Variants in KIF13A observed in about 807,000 individuals in gnomAD.
KIF13A encodes the protein kinesin-like protein KIF13A.
In KIF13A, 79 loss-of-function variants were observed where a neutral mutation model predicts 212.2. That is an observed-to-expected ratio of 0.37 (90% confidence interval 0.31 to 0.45). The LOEUF (loss-of-function observed/expected upper bound fraction) is 0.45. KIF13A is among the 20% of genes least tolerant of loss of function. KIF13A has a pLI of 1.00. For synonymous variants in KIF13A, 789 were observed against 808.6 expected, an observed-to-expected ratio of 0.98 and a Z score of 0.41; for missense variants, 1,901 against 2,209.0, an observed-to-expected ratio of 0.86 and a Z score of 2.79.
At chr6:17,857,707 G>A (rs1013551070) in intron 4 of KIF13A, among the ~76,000 whole-genome samples, 5 of 152,126 alleles carry the variant, frequency 3.3e-5, no homozygotes, top group African/African-American at 1.2e-4. Context: ...CATATGGTGG[G>A]AGAATAAACG....
intron 20 of KIF13A, 98 bp from the exon 21 acceptor site, chr6:17,800,211 G>A: frequency 8.8e-7 from 1 of 1,133,992 alleles, no homozygotes; most frequent in Non-Finnish European, 1.2e-6. Context: ...CTGGAGAGGG[G>A]CTCTGCAGCT....
rs2150407465 is a variant in KIF13A at position 17,856,516 on chromosome 6, T to TAGGTGC, written c.221-395_221-394insGCACCT. ...TGAACAAGACCATGTTATACACACC[T>TAGGTGC]TGGTATCTCCCTCAGCACCTAGCTT... On this transcript the variant is annotated intron_variant, in intron 4 of 38. Coordinates refer to ENST00000259711, the MANE Select transcript of KIF13A (RefSeq NM_022113.6). The surrounding 1 kb of genome is among the most constrained non-coding windows in gnomAD (Gnocchi z 4.5). 6.6e-6 allele frequency among the ~76,000 whole-genome samples: 1 copy of TAGGTGC among 152,334 alleles called. No individual in the cohort carries two copies. The highest frequency in any genetic ancestry group is 2.4e-5 in the African/African-American group (1 of 41,584).
intron 2 of KIF13A, among the ~76,000 whole-genome samples, chr6:17,904,140 G>C: frequency 6.6e-6 from 1 of 151,894 alleles, no homozygotes; most frequent in Non-Finnish European, 1.5e-5. Context: ...TTGGGTGACA[G>C]AGTGAGACTC....
Position 17,849,478 on chromosome 6 carries a change from C to G in KIF13A, c.729G>C (p.Glu243Asp). The G allele has an allele frequency of 6.2e-7, 1 of 1,613,128 alleles. No homozygotes were observed. The highest frequency in any genetic ancestry group is 8.5e-7 in the Non-Finnish European group (1 of 1,179,406). Reference protein sequence around the residue: ...LYDLQSGNSGEKVSKVSLVDL... With the variant: ...LYDLQSGNSGDKVSKVSLVDL... Reference sequence around the variant, plus strand: ...CTACCAAGCTGACCTTACTGACTTTCTCCCCGGAATTCTAGTTATAGGAAA... The same window carrying G: ...CTACCAAGCTGACCTTACTGACTTTGTCCCCGGAATTCTAGTTATAGGAAA... The change falls in exon 9 of 39, where the codon GAG becomes GAC. Residue 243 changes from glutamate (E) to aspartate (D), a missense_variant. Glu to Asp is a conservative substitution (Grantham distance 45). This residue lies in a region of KIF13A where 506 missense variants were observed against 637.4 expected (regional missense o/e 0.79). Transcript: ENST00000259711. This position sits in a 1 kb window ranked among gnomAD's most constrained non-coding sequence, Gnocchi z 5.7.
At position 17,934,895 on chromosome 6, in the gene KIF13A, CAT is replaced by C. The variant is rs1776325700; in HGVS notation, c.147-36717_147-36716del. Among the ~76,000 whole-genome samples, 3 of 152,112 alleles carry C rather than the reference CAT, an allele frequency of 2.0e-5. No homozygotes were observed. Among genetic ancestry groups the C allele is most frequent in the Admixed American group, 2.0e-4 (3 of 15,290 alleles). On this transcript the variant is annotated intron_variant, in intron 2 of 38. Transcript: ENST00000259711. This position sits in a 1 kb window ranked among gnomAD's most constrained non-coding sequence, Gnocchi z 5.4. ...TCAATTTTCACTAGTAATAACCAAA[CAT>C]ATCAGTTTCACAAGGGTCCCTTTAC...
rs1452996348 is a variant in KIF13A at position 17,951,081 on chromosome 6, TATTA to T, written c.146+35969_146+35972del. 5.6e-5 allele frequency: 61 copies of T among 1,098,034 alleles called. No homozygotes were observed. Among genetic ancestry groups the T allele is most frequent in the Non-Finnish European group, 1.5e-5 (14 of 904,812 alleles). The allele number at this position is 1,098,034 out of a possible 1,614,324, so 68.0% of individuals were successfully genotyped here. On this transcript the variant is annotated intron_variant, in intron 2 of 38. Transcript: ENST00000259711. The surrounding 1 kb of genome is among the most constrained non-coding windows in gnomAD (Gnocchi z 4.9). ...CTAAGGACACCTAAGGAATTGTACT[TATTA>T]TATATAACACTTTGCCAACCATCCA... is the stretch of plus-strand genomic sequence containing the variant.
At chr6:17,940,837 T>A (rs1288093148) in intron 2 of KIF13A, among the ~76,000 whole-genome samples, 2 of 151,428 alleles carry the variant, frequency 1.3e-5, no homozygotes, top group African/African-American at 4.9e-5. Context: ...TTTTTTTTTT[T>A]TTTTTTGAGA....
At chr6:17,822,022 G>T in intron 16 of KIF13A, 1 of 1,095,984 alleles carries the variant, frequency 9.1e-7, no homozygotes, top group Non-Finnish European at 1.3e-6. Flanking sequence ...GTAAAGGATG[G>T]GGTAGGGGGA....
chr6:17,859,343 C>T (rs1445324239), intron 4 of KIF13A, among the ~76,000 whole-genome samples: 3 of 151,748 alleles, frequency 2.0e-5, no homozygotes, highest in Non-Finnish European at 4.4e-5. Context: ...TGGCTCACAC[C>T]TGTAATCTCA....
At chr6:17,938,897 A>T (rs774488076) in intron 2 of KIF13A, among the ~76,000 whole-genome samples, 1 of 150,152 alleles carries the variant, frequency 6.7e-6, no homozygotes, top group Non-Finnish European at 1.5e-5. Context: ...TTATGTATTC[A>T]TTCTACAAAA....
rs1428766916 is a variant in KIF13A, at chr6:17,987,485, G to A, written c.-22C>T. 8.0e-7 allele frequency: 1 copy of A among 1,253,834 alleles called. No individual in the cohort carries two copies. 77.7% of individuals were successfully genotyped at this position (1,253,834 alleles called of 1,614,324 possible). A position where few individuals can be genotyped will look rare whatever the true frequency, so the allele number is the denominator to read the frequency against. ...ACATGTTGGCTGCGCTCGCCCGGCCGCTCGCCGCGCCCGCTCGGCCTTAGG... is the reference window on the plus strand; with the variant it reads ...ACATGTTGGCTGCGCTCGCCCGGCCACTCGCCGCGCCCGCTCGGCCTTAGG... On this transcript the variant is annotated 5_prime_UTR_variant, in exon 1 of 39. Transcript: ENST00000259711. This position sits in a 1 kb window ranked among gnomAD's most constrained non-coding sequence, Gnocchi z 7.7.
intron 2 of KIF13A, among the ~76,000 whole-genome samples, chr6:17,975,164 T>G (rs1200416452): frequency 6.6e-6 from 1 of 152,040 alleles, no homozygotes; most frequent in African/African-American, 2.4e-5. Flanking sequence ...GCCAACATAG[T>G]GAAACCCTAT....
In KIF13A at chr6:17,914,425, T is replaced by A. The variant is rs7773400; in HGVS notation, c.147-16245A>T. Among the ~76,000 whole-genome samples the A allele has an allele frequency of 0.061, 9,291 of 152,250 alleles. 971 individuals carry two copies. The highest frequency in any genetic ancestry group is 0.21 in the African/African-American group (8,795 of 41,506). ...TAAAATACAAAACTTGAGATGAATATGAGTACATCCACAATAACTATTAAT... is the reference window on the plus strand; with the variant it reads ...TAAAATACAAAACTTGAGATGAATAAGAGTACATCCACAATAACTATTAAT... On this transcript the variant is annotated intron_variant, in intron 2 of 38. Transcript: ENST00000259711. This position sits in a 1 kb window ranked among gnomAD's most constrained non-coding sequence, Gnocchi z 5.9.
chr6:17,928,021 T>C (rs116047729), intron 2 of KIF13A, among the ~76,000 whole-genome samples: 2,041 of 152,342 alleles, frequency 0.013, 48 homozygotes, highest in African/African-American at 0.047. Flanking sequence ...CTTTCTGTCC[T>C]GTATACTGTG....
chr6:17,777,759 CTACA>C lies in KIF13A; in HGVS notation c.4093-409_4093-406del, dbSNP rs760135078. 2.0e-5 allele frequency among the ~76,000 whole-genome samples: 3 copies of C among 152,150 alleles called. No individual in the cohort carries two copies. The highest frequency in any genetic ancestry group is 4.8e-5 in the African/African-American group (2 of 41,434). On this transcript the variant is annotated intron_variant, in intron 33 of 38. Coordinates refer to ENST00000259711, the MANE Select transcript of KIF13A (RefSeq NM_022113.6). The surrounding 1 kb of genome is among the most constrained non-coding windows in gnomAD (Gnocchi z 4.4). ...GATTTAAATATAGACTGCATCAGTT[CTACA>C]TACATACACATTTATAAAACTGAAA... is the stretch of plus-strand genomic sequence containing the variant.
intron 20 of KIF13A, among the ~76,000 whole-genome samples, chr6:17,802,923 G>GTTTTTTTTTT (rs57190220): frequency 7.4e-6 from 1 of 135,652 alleles, no homozygotes; most frequent in African/African-American, 2.6e-5. Context: ...ATTTTTTTGT[G>GTTTTTTTTTT]TTTTTTTTGT....
chr6:17,770,950 G>T lies in KIF13A; in HGVS notation c.4581+164C>A, dbSNP rs564306816. ...TAAATAAGATAAAATTGTAGGTCAT[G>T]GCCACATCCATGCAAAATATCATTA... On this transcript the variant is annotated intron_variant, in intron 38 of 38. Coordinates refer to ENST00000259711, the MANE Select transcript of KIF13A (RefSeq NM_022113.6). 37 of 583,208 alleles carry T rather than the reference G, an allele frequency of 6.3e-5. No individual in the cohort carries two copies. The African/African-American group carries it at 6.9e-4, about 11-fold the overall frequency. 36.1% of individuals were successfully genotyped at this position (583,208 alleles called of 1,614,324 possible). A position where few individuals can be genotyped will look rare whatever the true frequency, so the allele number is the denominator to read the frequency against.
chr6:17,887,249 G>T (rs905288602), intron 3 of KIF13A, among the ~76,000 whole-genome samples: 1 of 152,148 alleles, frequency 6.6e-6, no homozygotes, highest in Non-Finnish European at 1.5e-5. Flanking sequence ...AGCCCAGATT[G>T]AAGTCATATG....
chr6:17,847,629 A>C (rs11754145), intron 9 of KIF13A, among the ~76,000 whole-genome samples: 32,654 of 152,150 alleles, frequency 0.21, 3,961 homozygotes, highest in Admixed American at 0.34. Flanking sequence ...CAACAGAAAA[A>C]GATTACAAGT....
Sources: gnomAD v4.1 joint callset for allele counts (sites outside exome capture counted in the v4.1 genomes callset) on GRCh38, gnomAD v4.1.1 for gene constraint, gnomAD v4.1.1 regional missense constraint, Gnocchi (gnomAD v3.1) non-coding constraint, MANE v1.5 for transcripts, NCBI Gene and HGNC (gene_info 2026-07-23, HGNC 2026-07-21) for gene names.